Variants in ZNF678 observed in about 807,000 individuals in gnomAD.
ZNF678 encodes zinc finger protein 678.
In ZNF678, 5 loss-of-function variants were observed where a neutral mutation model predicts 3.0. The ratio of observed to expected loss-of-function variants is 1.69; its 90% CI spans 0.88 to 3.56. The LOEUF is 3.56. Among genes scored for constraint, ZNF678 ranks in the 30% most tolerant of loss-of-function variants. ZNF678 has a pLI of 0.00. For synonymous variants in ZNF678, 218 were observed against 199.6 expected, an observed-to-expected ratio of 1.09 and a Z score of -0.78; for missense variants, 593 against 605.0, an observed-to-expected ratio of 0.98 and a Z score of 0.21.
At chr1:227,635,376 C>T (rs929046499) in intron 1 of ZNF678, among the ~76,000 whole-genome samples, 1 of 152,174 alleles carries the variant, frequency 6.6e-6, no homozygotes, top group Non-Finnish European at 1.5e-5. Context: ...GGACCTGGCT[C>T]CAAGTTCCAA....
intron 1 of ZNF678, among the ~76,000 whole-genome samples, chr1:227,632,962 A>G (rs1235124015): frequency 6.6e-6 from 1 of 152,168 alleles, no homozygotes; most frequent in Non-Finnish European, 1.5e-5. Flanking sequence ...ATTAGAAGCC[A>G]TGGGTCACAG....
At position 227,654,732 on chromosome 1, in the gene ZNF678, T is replaced by G; in HGVS notation, c.482T>G (p.Val161Gly). 1 of 1,609,862 alleles carries G rather than the reference T, an allele frequency of 6.2e-7. No homozygotes were observed. The highest frequency in any genetic ancestry group is 1.1e-5 in the South Asian group (1 of 90,722). ...KPYKCDECGK[V>G]FNWWSQLTNH... Reference sequence around the variant, plus strand: ...TACAAATGTGACGAATGTGGCAAAGTTTTTAATTGGTGGTCACAACTAACT... The same window carrying G: ...TACAAATGTGACGAATGTGGCAAAGGTTTTAATTGGTGGTCACAACTAACT... Residue 161 changes from valine to glycine, a missense_variant, in exon 4 of 4, where the codon GTT becomes GGT. Coordinates refer to ENST00000343776, the MANE Select transcript of ZNF678 (RefSeq NM_001367909.1).
In ZNF678 at chr1:227,646,611, C is replaced by A; in HGVS notation, c.-96C>A. ...GAGGAGTGGGCATGCCTGGACCCTG[C>A]CCAGCGAAATTTGTATAGGGATGTG... On this transcript the variant is annotated 5_prime_UTR_variant, in exon 2 of 4. The change creates a premature stop within an existing upstream ORF in the 5' untranslated region. Coordinates refer to ENST00000343776, the MANE Select transcript of ZNF678 (RefSeq NM_001367909.1). The A allele has an allele frequency of 7.3e-7, 1 of 1,372,462 alleles. No individual in the cohort carries two copies. The highest frequency in any genetic ancestry group is 9.8e-7 in the Non-Finnish European group (1 of 1,024,754). 85.0% of individuals were successfully genotyped at this position (1,372,462 alleles called of 1,614,324 possible). A position where few individuals can be genotyped will look rare whatever the true frequency, so the allele number is the denominator to read the frequency against.
intron 1 of ZNF678, among the ~76,000 whole-genome samples, chr1:227,565,132 C>G (rs1005847183): frequency 7.7e-6 from 1 of 129,682 alleles, no homozygotes; most frequent in East Asian, 2.5e-4. Context: ...GTGGCGTGAT[C>G]TCGGCTCACT....
chr1:227,610,982 T>C (rs553173795), intron 1 of ZNF678, among the ~76,000 whole-genome samples: 1 of 152,348 alleles, frequency 6.6e-6, no homozygotes, highest in Non-Finnish European at 1.5e-5. Context: ...CATCAGACAT[T>C]GTCACCATCT....
intron 1 of ZNF678, among the ~76,000 whole-genome samples, chr1:227,637,457 A>AG (rs1471027084): frequency 5.3e-5 from 8 of 152,358 alleles, no homozygotes; most frequent in Non-Finnish European, 1.0e-4. Context: ...GCCAATGCTC[A>AG]GAGGCAGGCA....
chr1:227,573,011 G>A (rs1026731500), intron 1 of ZNF678, among the ~76,000 whole-genome samples: 1 of 152,246 alleles, frequency 6.6e-6, no homozygotes, highest in East Asian at 1.9e-4. Flanking sequence ...TACAGCTAGC[G>A]CTGGATGGAG....
At chr1:227,589,163 T>A (rs950640352) in intron 1 of ZNF678, among the ~76,000 whole-genome samples, 13 of 151,210 alleles carry the variant, frequency 8.6e-5, no homozygotes, top group Admixed American at 4.0e-4. Context: ...CATTTGCCAA[T>A]TTTTGCTTTT....
chr1:227,584,611 A>G (rs914660539), intron 1 of ZNF678, among the ~76,000 whole-genome samples: 6 of 152,252 alleles, frequency 3.9e-5, no homozygotes, highest in African/African-American at 1.4e-4. Flanking sequence ...ATTCAGAATA[A>G]TAAGATGGGT....
chr1:227,591,942 C>T (rs947625209), intron 1 of ZNF678, among the ~76,000 whole-genome samples: 2 of 152,116 alleles, frequency 1.3e-5, no homozygotes, highest in African/African-American at 4.8e-5. Flanking sequence ...TTCAGCCGTG[C>T]GTGGACCAGT....
rs575755234 is a variant in ZNF678, at chr1:227,671,096, A to G, written c.227-6083A>G. Among the ~76,000 whole-genome samples the G allele has an allele frequency of 2.2e-5, 3 of 136,696 alleles. No homozygotes were observed. The South Asian group carries it at 7.1e-4, about 32-fold the overall frequency. The allele number at this position is 136,696 out of a possible 152,430, so 89.7% of individuals were successfully genotyped here. The stretch of plus-strand genomic sequence containing the variant: ...CACCTTTTTTTTTTTTTTTTTCTTA[A>G]GACAGGATCTCACTCTGTTGCTCAG... On this transcript the variant is annotated intron_variant, in intron 5 of 5. Coordinates refer to the ZNF678 transcript ENST00000608949.
intron 1 of ZNF678, among the ~76,000 whole-genome samples, chr1:227,601,194 A>G (rs907511013): frequency 6.6e-6 from 1 of 152,138 alleles, no homozygotes; most frequent in Non-Finnish European, 1.5e-5. Flanking sequence ...AGGTAGTGTG[A>G]TACTTCCAGC....
At chr1:227,569,373 C>T (rs1277914057) in intron 1 of ZNF678, among the ~76,000 whole-genome samples, 3 of 152,066 alleles carry the variant, frequency 2.0e-5, no homozygotes, top group African/African-American at 4.8e-5. Context: ...TTGAATCATT[C>T]TTTTTAACTC....
intron 1 of ZNF678, among the ~76,000 whole-genome samples, chr1:227,614,116 G>T (rs1426623161): frequency 1.3e-5 from 2 of 152,274 alleles, no homozygotes; most frequent in East Asian, 1.9e-4. Context: ...GGCCCAGTTA[G>T]ACCTCCTGCA....
chr1:227,599,929 A>G (rs916424407), intron 1 of ZNF678, among the ~76,000 whole-genome samples: 4 of 152,120 alleles, frequency 2.6e-5, no homozygotes, highest in Non-Finnish European at 5.9e-5. Context: ...TATTAAGCTT[A>G]GTACGCATTA....
intron 1 of ZNF678, chr1:227,598,387 C>T: frequency 7.1e-7 from 1 of 1,410,516 alleles, no homozygotes; most frequent in Non-Finnish European, 9.2e-7. Flanking sequence ...TCAGACATTG[C>T]ACTTTCTTTA....
At chr1:227,643,214 C>A (rs1361150366) in intron 1 of ZNF678, among the ~76,000 whole-genome samples, 2 of 151,934 alleles carry the variant, frequency 1.3e-5, no homozygotes, top group Non-Finnish European at 2.9e-5. Context: ...AGTAGTACAG[C>A]AATGGTGGTG....
At chr1:227,643,460 A>G (rs1467981804) in intron 1 of ZNF678, among the ~76,000 whole-genome samples, 1 of 152,140 alleles carries the variant, frequency 6.6e-6, no homozygotes, top group Non-Finnish European at 1.5e-5. Flanking sequence ...AGCCCTGCCC[A>G]GATTCACCCT....
intron 1 of ZNF678, among the ~76,000 whole-genome samples, chr1:227,578,794 C>T (rs1202945258): frequency 3.9e-5 from 6 of 152,142 alleles, no homozygotes; most frequent in East Asian, 1.9e-4. Context: ...GTGACACAGC[C>T]GTTTGGAGGA....
Sources: allele counts gnomAD v4.1 joint callset (sites outside exome capture counted in the v4.1 genomes callset), GRCh38; gene constraint gnomAD v4.1.1; transcripts MANE v1.5; gene names NCBI Gene and HGNC (gene_info 2026-07-23, HGNC 2026-07-21).